Variants in PPP2R2D observed in about 807,000 individuals in gnomAD.
PPP2R2D encodes the protein serine/threonine-protein phosphatase 2A 55 kDa regulatory subunit B delta isoform.
PPP2R2D carries 9 observed loss-of-function variants against 31.1 expected under a neutral mutation model. That is an observed-to-expected ratio of 0.29 (90% CI 0.17 to 0.51). The LOEUF (loss-of-function observed/expected upper bound fraction) is 0.51. Among genes scored for constraint, PPP2R2D ranks in the 20% least tolerant of loss-of-function variants. PPP2R2D has a pLI of 0.98. For synonymous variants in PPP2R2D, 179 were observed against 172.6 expected (o/e 1.04, Z -0.29); for missense variants, 391 against 465.6 (o/e 0.84, Z 1.48).
At chr10:131,911,140 C>T (rs1482533996) in intron 2 of PPP2R2D, among the ~76,000 whole-genome samples, 3 of 152,178 alleles carry the variant, frequency 2.0e-5, no homozygotes, top group Admixed American at 6.5e-5. Flanking sequence ...CTGAGGCTTG[C>T]CGTTGGCTCT....
At position 131,956,160 on chromosome 10, in the gene PPP2R2D, G is replaced by C; in HGVS notation, c.*197G>C. On this transcript the variant is annotated 3_prime_UTR_variant, in exon 9 of 9. Transcript: ENST00000455566. ...GGCGAGGCGCGAGACAGGCGCTGCT[G>C]CTCACGTGGAGACGCTCTCGAAGCA... 8.1e-7 allele frequency: 1 copy of C among 1,239,186 alleles called. No homozygotes were observed. Among genetic ancestry groups the C allele is most frequent in the Non-Finnish European group, 1.0e-6 (1 of 992,616 alleles). 76.8% of individuals were successfully genotyped at this position (1,239,186 alleles called of 1,614,324 possible). A position where few individuals can be genotyped will look rare whatever the true frequency, so the allele number is the denominator to read the frequency against.
chr10:131,939,969 G>A (rs2036413328), intron 3 of PPP2R2D, 62 bp from the exon 4 acceptor site: 4 of 476,162 alleles, frequency 8.4e-6, no homozygotes, highest in Non-Finnish European at 1.6e-5. Flanking sequence ...CAAATTTATA[G>A]TACTGAAATT....
chr10:131,915,278 C>T (rs1232314681), intron 2 of PPP2R2D, among the ~76,000 whole-genome samples: 4 of 152,154 alleles, frequency 2.6e-5, no homozygotes, highest in South Asian at 2.1e-4. Context: ...CGTTTGTAAA[C>T]GTTCCTGGCT....
intron 2 of PPP2R2D, among the ~76,000 whole-genome samples, chr10:131,930,797 C>T (rs2036207483): frequency 6.6e-6 from 1 of 152,210 alleles, no homozygotes; most frequent in Admixed American, 6.5e-5. Flanking sequence ...ATGCTTCTGC[C>T]TTGCTTTCTC....
chr10:131,967,933 G>GTTCT, the PPP2R2D span: 1 of 152,234 alleles, frequency 6.6e-6, no homozygotes, highest in Non-Finnish European at 1.5e-5. Flanking sequence ...AAAGCAAGAA[G>GTTCT]AGTTTAGTGT....
the PPP2R2D span, chr10:131,970,213 TGA>T: frequency 5.5e-6 from 1 of 180,358 alleles, no homozygotes; most frequent in Non-Finnish European, 1.2e-5. This position sits in a 1 kb window ranked among gnomAD's most constrained non-coding sequence, Gnocchi z 4.1. Flanking sequence ...CCTTCATTGC[TGA>T]GAGTTACTAG....
chr10:131,952,314 C>T (rs1412978995), intron 8 of PPP2R2D, among the ~76,000 whole-genome samples: 1 of 51,450 alleles, frequency 1.9e-5, no homozygotes, highest in Non-Finnish European at 3.3e-5. Flanking sequence ...TGCGGGTGTG[C>T]GGGGGGTTCA....
In PPP2R2D at chr10:131,902,886, A is replaced by G. The variant is rs993895936; in HGVS notation, c.100+1556A>G. On this transcript the variant is annotated intron_variant, in intron 2 of 8. Transcript: ENST00000455566. Reference sequence around the variant, plus strand: ...GCCCACCTCAGTCTCTGAAGTAGCTAGGACCACACACACGCGTGCACCACC... The same window carrying G: ...GCCCACCTCAGTCTCTGAAGTAGCTGGGACCACACACACGCGTGCACCACC... 7.9e-5 allele frequency among the ~76,000 whole-genome samples: 12 copies of G among 152,176 alleles called. No homozygotes were observed. The East Asian group carries it at 2.1e-3, about 27-fold the overall frequency.
chr10:131,924,441 A>G (rs2036060253), intron 2 of PPP2R2D, among the ~76,000 whole-genome samples: 1 of 152,148 alleles, frequency 6.6e-6, no homozygotes, highest in Non-Finnish European at 1.5e-5. Flanking sequence ...GTATTCTTTT[A>G]CCATTAATTG....
At chr10:131,944,269 G>T (rs1219044980) in intron 6 of PPP2R2D, 124 bp downstream of exon 6, 9 of 723,606 alleles carry the variant, frequency 1.2e-5, no homozygotes, top group Non-Finnish European at 2.0e-5. Context: ...CTGCACAGCA[G>T]CCTGTGATGT....
chr10:131,922,415 GACATCA>G (rs2036004613), intron 2 of PPP2R2D, among the ~76,000 whole-genome samples: 2 of 150,728 alleles, frequency 1.3e-5, no homozygotes, highest in Non-Finnish European at 2.9e-5. Flanking sequence ...GTATACTTTA[GACATCA>G]TGTTGTACAT....
intron 2 of PPP2R2D, among the ~76,000 whole-genome samples, chr10:131,933,031 T>C (rs1307793342): frequency 6.6e-6 from 1 of 152,232 alleles, no homozygotes; most frequent in African/African-American, 2.4e-5. Flanking sequence ...TTTAGACCTT[T>C]TTAATCCAAT....
Position 131,958,573 on chromosome 10 carries a change from CCT to C in PPP2R2D, c.*2611_*2612del, listed in dbSNP as rs1463554328. The C allele has an allele frequency of 1.5e-5, 3 of 206,240 alleles. No homozygotes were observed. The highest frequency in any genetic ancestry group is 2.9e-5 in the Non-Finnish European group (3 of 104,020). The allele number at this position is 206,240 out of a possible 1,614,324, so 12.8% of individuals were successfully genotyped here. On this transcript the variant is annotated 3_prime_UTR_variant, in exon 9 of 9. Transcript: ENST00000455566. ...TGGAGATGAAGGGGTATGCTGATCC[CCT>C]GTCCCCCTGTGGGGATGAAGGTGTG...
At position 131,957,592 on chromosome 10, in the gene PPP2R2D, G is replaced by A. The variant is rs2036827266; in HGVS notation, c.*1629G>A. On this transcript the variant is annotated 3_prime_UTR_variant, in exon 9 of 9. Transcript: ENST00000455566. ...GCGTGCTGATCCCCCATCTCCCTGT[G>A]GAGATGAAGGTGTGTGCTGATCCCC... The A allele has an allele frequency of 5.7e-6, 1 of 174,390 alleles. No individual in the cohort carries two copies. The highest frequency in any genetic ancestry group is 2.5e-5 in the African/African-American group (1 of 40,600). The allele number at this position is 174,390 out of a possible 1,614,324, so 10.8% of individuals were successfully genotyped here. A position where few individuals can be genotyped will look rare whatever the true frequency, so the allele number is the denominator to read the frequency against.
chr10:131,933,634 C>G (rs1283261897), intron 2 of PPP2R2D, among the ~76,000 whole-genome samples: 2 of 152,162 alleles, frequency 1.3e-5, no homozygotes, highest in African/African-American at 2.4e-5. Flanking sequence ...CCAGCCTCCT[C>G]CAGAGTCTGT....
Position 131,947,518 on chromosome 10 carries a change from T to C in PPP2R2D, c.821-12T>C, listed in dbSNP as rs374297211. On this transcript the variant is annotated splice_polypyrimidine_tract_variant and intron_variant, in intron 7 of 8. Coordinates refer to ENST00000455566, the MANE Select transcript of PPP2R2D (RefSeq NM_018461.5). The surrounding 1 kb of genome is among the most constrained non-coding windows in gnomAD (Gnocchi z 4.3). ...TAAACAGAAGCTGAAAACATTTTAT[T>C]TTGTTTTTCAGTTTTTGAAGAGCCT... 131 of 1,607,780 alleles carry C rather than the reference T, an allele frequency of 8.1e-5. No homozygotes were observed. Among genetic ancestry groups the C allele is most frequent in the Non-Finnish European group, 1.1e-4 (124 of 1,176,352 alleles).
At chr10:131,929,127 T>G (rs921237483) in intron 2 of PPP2R2D, among the ~76,000 whole-genome samples, 1 of 152,168 alleles carries the variant, frequency 6.6e-6, no homozygotes, top group African/African-American at 2.4e-5. Context: ...CCCCCTGTAC[T>G]ACCTCGGAAA....
intron 2 of PPP2R2D, among the ~76,000 whole-genome samples, chr10:131,932,040 T>C (rs563847048): frequency 1.4e-5 from 2 of 143,652 alleles, no homozygotes; most frequent in East Asian, 4.2e-4. Flanking sequence ...TGCTTTCTTC[T>C]GACACCTGGG....
At chr10:131,913,136 C>T (rs1043714988) in intron 2 of PPP2R2D, among the ~76,000 whole-genome samples, 1 of 152,098 alleles carries the variant, frequency 6.6e-6, no homozygotes, top group Admixed American at 6.5e-5. Context: ...GGTTCTCCTG[C>T]CTCAGCCTCC....
Sources: allele counts gnomAD v4.1 joint callset (sites outside exome capture counted in the v4.1 genomes callset), GRCh38; gene constraint gnomAD v4.1.1; non-coding constraint Gnocchi (gnomAD v3.1); transcripts MANE v1.5; gene names NCBI Gene and HGNC (gene_info 2026-07-23, HGNC 2026-07-21).